The following EML4 variants were observed in gnomAD, a reference collection of about 807,000 sequenced individuals.
EML4 encodes echinoderm microtubule-associated protein-like 4.
In EML4, 72 loss-of-function variants were observed where a neutral mutation model predicts 129.0. That is an observed-to-expected ratio of 0.56 (90% CI 0.46 to 0.68). EML4 has a LOEUF of 0.68. Ranked by LOEUF, EML4 falls within the 30% of genes least tolerant of loss-of-function variation. The pLI is 0.00. For missense variants in EML4, 1,363 were observed against 1,190.6 expected (o/e 1.14, Z -2.13); for synonymous variants, 532 against 405.0 (o/e 1.31, Z -3.77).
rs1572764759 is a variant in EML4 at position 42,326,090 on chromosome 2, A to T, written c.2243-64A>T. ...GTAAACGTGGCTAGTTTGAATCAAGATGCACTTTCAAATACATTTGTACAC... is the reference window on the plus strand; with the variant it reads ...GTAAACGTGGCTAGTTTGAATCAAGTTGCACTTTCAAATACATTTGTACAC... On this transcript the variant is annotated intron_variant, in intron 20 of 22. Coordinates refer to ENST00000318522, the MANE Select transcript of EML4 (RefSeq NM_019063.5). The T allele has an allele frequency of 3.1e-6, 5 of 1,588,862 alleles. No homozygotes were observed. In the East Asian group the frequency reaches 1.1e-4, roughly 36 times the overall value.
chr2:42,203,018 G>C (rs1412854338), intron 1 of EML4, among the ~76,000 whole-genome samples: 1 of 151,992 alleles, frequency 6.6e-6, no homozygotes, highest in Non-Finnish European at 1.5e-5. Context: ...ACAAGAGTGG[G>C]ACCCTAACTC....
intron 8 of EML4, among the ~76,000 whole-genome samples, chr2:42,284,046 A>G (rs1290232073): frequency 2.0e-5 from 3 of 152,244 alleles, no homozygotes; most frequent in Non-Finnish European, 4.4e-5. Flanking sequence ...TTAGGCACAT[A>G]TGCTACGCTA....
intron 1 of EML4, among the ~76,000 whole-genome samples, chr2:42,177,096 A>G (rs1307312712): frequency 6.6e-6 from 1 of 152,126 alleles, no homozygotes. Context: ...GCCAAATTAT[A>G]AACCTCTTGA....
chr2:42,257,788 G>T (rs925602939), intron 3 of EML4, among the ~76,000 whole-genome samples: 29 of 150,002 alleles, frequency 1.9e-4, no homozygotes, highest in Non-Finnish European at 3.4e-4. Context: ...AGTGAGCCAC[G>T]ATTGCGCCAC....
intron 2 of EML4, among the ~76,000 whole-genome samples, chr2:42,248,121 C>T (rs902853144): frequency 2.0e-5 from 3 of 152,058 alleles, no homozygotes; most frequent in Non-Finnish European, 4.4e-5. Context: ...TACAGGTGTA[C>T]ACCACCATGC....
intron 1 of EML4, among the ~76,000 whole-genome samples, chr2:42,179,834 C>G (rs1477104671): frequency 6.6e-6 from 1 of 152,062 alleles, no homozygotes; most frequent in African/African-American, 2.4e-5. Flanking sequence ...ACTCTTGACC[C>G]CAAGTGATCC....
chr2:42,304,603 C>A, intron 17 of EML4, 52 bp downstream of exon 17: 1 of 1,331,898 alleles, frequency 7.5e-7, no homozygotes, highest in Non-Finnish European at 1.1e-6. Context: ...TGTTTAAATG[C>A]TATTCAGGAA....
intron 17 of EML4, among the ~76,000 whole-genome samples, chr2:42,307,262 C>G (rs1349608869): frequency 6.6e-6 from 1 of 152,200 alleles, no homozygotes; most frequent in Non-Finnish European, 1.5e-5. Context: ...CATTGACAAG[C>G]TTAAAATGGA....
intron 1 of EML4, among the ~76,000 whole-genome samples, chr2:42,209,052 C>T (rs990022596): frequency 2.0e-5 from 3 of 152,046 alleles, no homozygotes; most frequent in African/African-American, 7.2e-5. Context: ...AGAGTTTAGT[C>T]TTCCCTTTTT....
chr2:42,228,530 T>TA (rs1451342413), intron 1 of EML4, among the ~76,000 whole-genome samples: 1 of 152,236 alleles, frequency 6.6e-6, no homozygotes. Context: ...GCTGTAGTCT[T>TA]ATAATTCAGA....
intron 1 of EML4, among the ~76,000 whole-genome samples, chr2:42,215,328 T>C (rs981782403): frequency 2.6e-5 from 4 of 152,160 alleles, no homozygotes; most frequent in African/African-American, 9.7e-5. Flanking sequence ...GCTGGGATTA[T>C]AGGCATGTGC....
intron 17 of EML4, among the ~76,000 whole-genome samples, chr2:42,315,271 T>C (rs554611638): frequency 2.7e-4 from 41 of 152,344 alleles, no homozygotes; most frequent in African/African-American, 9.1e-4. Flanking sequence ...TCCTCTGTTA[T>C]ATTGCGTCAC....
At chr2:42,276,253 G>T (rs1057172747) in intron 6 of EML4, among the ~76,000 whole-genome samples, 2 of 152,024 alleles carry the variant, frequency 1.3e-5, no homozygotes, top group African/African-American at 2.4e-5. Context: ...TTTAAAATTG[G>T]CAGGTTTCAC....
At chr2:42,304,365 AC>A in intron 16 of EML4, 118 bp from the exon 17 acceptor site, 1 of 730,278 alleles carries the variant, frequency 1.4e-6, no homozygotes, top group East Asian at 2.5e-5. Context: ...CTCATTAGCT[AC>A]AAAGTTGATT....
intron 1 of EML4, among the ~76,000 whole-genome samples, chr2:42,227,743 T>C (rs546662508): frequency 1.3e-5 from 2 of 152,332 alleles, no homozygotes; most frequent in Non-Finnish European, 1.5e-5. Flanking sequence ...CTGAAGACTT[T>C]TATGAACATC....
At chr2:42,208,724 C>T (rs1672709204) in intron 1 of EML4, among the ~76,000 whole-genome samples, 1 of 151,826 alleles carries the variant, frequency 6.6e-6, no homozygotes, top group Non-Finnish European at 1.5e-5. Context: ...TGAGCCACTG[C>T]ACCTGGCCTG....
At chr2:42,277,769 G>C (rs189656566) in intron 6 of EML4, among the ~76,000 whole-genome samples, 1 of 151,948 alleles carries the variant, frequency 6.6e-6, no homozygotes, top group Non-Finnish European at 1.5e-5. Context: ...GGGTTTCACC[G>C]TGTTGGCCAG....
intron 13 of EML4, among the ~76,000 whole-genome samples, chr2:42,298,621 C>G (rs1668086069): frequency 1.3e-5 from 2 of 152,098 alleles, no homozygotes; most frequent in South Asian, 4.1e-4. Flanking sequence ...AAATAACTTT[C>G]CTGGAGTGAG....
At chr2:42,197,700 C>G (rs1175079384) in intron 1 of EML4, among the ~76,000 whole-genome samples, 1 of 151,978 alleles carries the variant, frequency 6.6e-6, no homozygotes, top group Non-Finnish European at 1.5e-5. Context: ...TGAGAATGAT[C>G]ATTTATTGGC....
Sources: gnomAD v4.1 joint callset for allele counts (sites outside exome capture counted in the v4.1 genomes callset) on GRCh38, gnomAD v4.1.1 for gene constraint, MANE v1.5 for transcripts, NCBI Gene and HGNC (gene_info 2026-07-23, HGNC 2026-07-21) for gene names.